VPS13D: variants seen among roughly 807,000 people sequenced by gnomAD.
VPS13D encodes intermembrane lipid transfer protein VPS13D.
Under a neutral mutation model 461.9 loss-of-function variants are expected in VPS13D, and 187 were observed. The observed-to-expected ratio is 0.40, with a 90% CI of 0.36 to 0.46. VPS13D has a LOEUF of 0.46. VPS13D is among the 20% of genes least tolerant of loss of function. The pLI, the probability that VPS13D is intolerant of heterozygous loss-of-function variation, is 0.60. For synonymous variants in VPS13D, 1,951 were observed against 1,986.3 expected, an observed-to-expected ratio of 0.98 and a Z score of 0.47; for missense variants, 4,711 against 5,364.9, an observed-to-expected ratio of 0.88 and a Z score of 3.81.
intron 66 of VPS13D, among the ~76,000 whole-genome samples, chr1:12,458,277 G>A (rs1368032972): frequency 3.3e-5 from 5 of 152,168 alleles, no homozygotes; most frequent in Non-Finnish European, 7.3e-5. Context: ...CAATCCCCTT[G>A]ATGTAAGAAA....
rs141044837 is a variant in VPS13D, at chr1:12,319,500, C to T, written c.7418C>T (p.Thr2473Met). The change falls in exon 32 of 70, where the codon ACG becomes ATG. Residue 2473 changes from threonine to methionine, a missense_variant. Coordinates refer to ENST00000620676, the MANE Select transcript of VPS13D (RefSeq NM_015378.4). The part of the protein sequence containing the change: ...HLEVKVNVTG[T>M]EFVVIEDVSC... Reference sequence around the variant, plus strand: ...TTGACGACGTTGTCCTTTCCAGGTACGGAGTTTGTGGTCATTGAAGATGTG... The same window carrying T: ...TTGACGACGTTGTCCTTTCCAGGTATGGAGTTTGTGGTCATTGAAGATGTG... 3.5e-5 allele frequency: 57 copies of T among 1,614,028 alleles called. No homozygotes were observed. Among genetic ancestry groups the T allele is most frequent in the African/African-American group, 2.0e-4 (15 of 75,024 alleles).
intron 66 of VPS13D, 94 bp downstream of exon 66, chr1:12,456,224 C>T (rs1307425374): frequency 2.0e-6 from 3 of 1,479,578 alleles, no homozygotes; most frequent in East Asian, 2.4e-5. Context: ...GAAAGGTGGG[C>T]TGGGCGCGGT....
chr1:12,399,530 G>A (rs1159202688), intron 60 of VPS13D, among the ~76,000 whole-genome samples: 1 of 151,906 alleles, frequency 6.6e-6, no homozygotes, highest in African/African-American at 2.4e-5. Flanking sequence ...TAAAAATTGT[G>A]TATAGTTGGC....
At chr1:12,264,363 C>T (rs1007365159) in intron 13 of VPS13D, among the ~76,000 whole-genome samples, 8 of 152,170 alleles carry the variant, frequency 5.3e-5, no homozygotes, top group East Asian at 3.8e-4. Context: ...AGGAAGACGT[C>T]GAAAGCTGAG....
chr1:12,398,846 G>A (rs1239357678), intron 60 of VPS13D, among the ~76,000 whole-genome samples: 1 of 152,230 alleles, frequency 6.6e-6, no homozygotes, highest in African/African-American at 2.4e-5. Context: ...TTTGGAGCAA[G>A]AGAGAAGCAT....
chr1:12,430,416 T>C (rs1644977023), intron 65 of VPS13D, among the ~76,000 whole-genome samples: 1 of 152,054 alleles, frequency 6.6e-6, no homozygotes, highest in South Asian at 2.1e-4. Context: ...TCAAAGACCA[T>C]ACTGCTGCTC....
chr1:12,306,305 T>C (rs1029152660), intron 26 of VPS13D, among the ~76,000 whole-genome samples: 2 of 152,176 alleles, frequency 1.3e-5, no homozygotes, highest in South Asian at 2.1e-4. Flanking sequence ...GAGGTAGTAA[T>C]GGAAGAGTTG....
Position 12,507,284 on chromosome 1 carries a change from C to T in VPS13D, c.13035+191C>T. The T allele has an allele frequency of 9.7e-7, 1 of 1,031,410 alleles. No individual in the cohort carries two copies. Among genetic ancestry groups the T allele is most frequent in the East Asian group, 2.4e-5 (1 of 42,034 alleles). The allele number at this position is 1,031,410 out of a possible 1,614,324, so 63.9% of individuals were successfully genotyped here. On this transcript the variant is annotated intron_variant, in intron 69 of 69. Transcript: ENST00000620676. This position sits in a 1 kb window ranked among gnomAD's most constrained non-coding sequence, Gnocchi z 5.3. ...TCACGGGGCGATGCTGCCCTCCCAGCTGGCCCATGGGTGACCCTGGGAACA... is the reference window on the plus strand; with the variant it reads ...TCACGGGGCGATGCTGCCCTCCCAGTTGGCCCATGGGTGACCCTGGGAACA...
intron 15 of VPS13D, among the ~76,000 whole-genome samples, chr1:12,268,387 C>G (rs1038835237): frequency 2.0e-5 from 3 of 151,396 alleles, no homozygotes; most frequent in Non-Finnish European, 2.9e-5. Context: ...GCTGTGTACA[C>G]CAGGGTTTCA....
chr1:12,253,492 C>G (rs1286142140), intron 6 of VPS13D, among the ~76,000 whole-genome samples: 1 of 152,182 alleles, frequency 6.6e-6, no homozygotes, highest in African/African-American at 2.4e-5. Flanking sequence ...CGTATAGATT[C>G]TTCTTCTGCT....
At chr1:12,449,395 T>C (rs1274256700) in intron 65 of VPS13D, among the ~76,000 whole-genome samples, 1 of 139,072 alleles carries the variant, frequency 7.2e-6, no homozygotes, top group Non-Finnish European at 1.6e-5. Flanking sequence ...GTTCCGTGCC[T>C]TTTTTTTTTT....
At chr1:12,414,864 G>A (rs1644774282) in intron 63 of VPS13D, among the ~76,000 whole-genome samples, 1 of 152,202 alleles carries the variant, frequency 6.6e-6, no homozygotes, top group African/African-American at 2.4e-5. Flanking sequence ...GTTTATTTCT[G>A]TGTGATACAT....
At chr1:12,284,611 C>A (rs1641908466) in intron 21 of VPS13D, among the ~76,000 whole-genome samples, 1 of 152,202 alleles carries the variant, frequency 6.6e-6, no homozygotes, top group Admixed American at 6.5e-5. Context: ...CGTCCAGAGC[C>A]CTGGAACCCC....
rs376528489 is a variant in VPS13D at position 12,280,241 on chromosome 1, GTGGTCTGTGTCTGGCACAACAGTAGT to G, written c.4602+608_4602+633del. 3.8e-3 allele frequency among the ~76,000 whole-genome samples: 574 copies of G among 152,250 alleles called. 1 individual carries two copies. Among genetic ancestry groups the G allele is most frequent in the Non-Finnish European group, 6.3e-3 (427 of 68,024 alleles). On this transcript the variant is annotated intron_variant, in intron 20 of 69. Coordinates refer to ENST00000620676, the MANE Select transcript of VPS13D (RefSeq NM_015378.4). ...GACAGGCAGGCTCTTAGGACGGTCT[GTGGTCTGTGTCTGGCACAACAGTAGT>G]TGGTCTGTGTCTGGCAGCTGTTCTG...
At chr1:12,401,119 T>G (rs1323627737) in intron 61 of VPS13D, among the ~76,000 whole-genome samples, 1 of 152,208 alleles carries the variant, frequency 6.6e-6, no homozygotes, top group African/African-American at 2.4e-5. Context: ...TGATAAACTT[T>G]CTTTCTTGGA....
chr1:12,381,980 TTCTCTC>T (rs34633201), intron 57 of VPS13D, among the ~76,000 whole-genome samples: 77 of 131,262 alleles, frequency 5.9e-4, no homozygotes, highest in African/African-American at 2.2e-3. Context: ...CTTTCTTTCT[TTCTCTC>T]TCTCTCTCTC....
In VPS13D at chr1:12,348,842, T is replaced by C; in HGVS notation, c.9089T>C (p.Val3030Ala). The C allele has an allele frequency of 6.2e-7, 1 of 1,614,172 alleles. No homozygotes were observed. Among genetic ancestry groups the C allele is most frequent in the Non-Finnish European group, 8.5e-7 (1 of 1,180,030 alleles). ...PQVYFSSLPP[V>A]RVVFAVTMEG... The stretch of plus-strand genomic sequence containing the variant: ...TCACAGTTCTCTTCACTCCCACCAG[T>C]GCGGGTGGTCTTTGCAGTGACTATG... Residue 3030 changes from valine to alanine, a missense_variant, in exon 45 of 70, where the codon GTG becomes GCG. Val to Ala is a moderately conservative substitution (Grantham distance 64). This residue lies in a region of VPS13D where 4,411 missense variants were observed against 4,937.8 expected (regional missense o/e 0.89). Coordinates refer to ENST00000620676, the MANE Select transcript of VPS13D (RefSeq NM_015378.4).
chr1:12,361,399 A>ATTTT (rs1406588951), intron 50 of VPS13D, among the ~76,000 whole-genome samples: 1,959 of 140,526 alleles, frequency 0.014, 43 homozygotes, highest in African/African-American at 0.022. Context: ...TTATTTATTT[A>ATTTT]TTTATTTTTT....
At chr1:12,254,513 CTTTTTT>C (rs1017635589) in intron 7 of VPS13D, among the ~76,000 whole-genome samples, 2 of 78,256 alleles carry the variant, frequency 2.6e-5, no homozygotes, top group African/African-American at 5.0e-5. Flanking sequence ...AAATCTCAAT[CTTTTTT>C]TTTTTTTTTT....
Sources: allele counts gnomAD v4.1 joint callset (sites outside exome capture counted in the v4.1 genomes callset), GRCh38; gene constraint gnomAD v4.1.1; regional missense constraint gnomAD v4.1.1; non-coding constraint Gnocchi (gnomAD v3.1); transcripts MANE v1.5; gene names NCBI Gene and HGNC (gene_info 2026-07-23, HGNC 2026-07-21).